BRAF: variants seen among roughly 807,000 people sequenced by gnomAD.
BRAF encodes serine/threonine-protein kinase B-raf.
In BRAF, 16 loss-of-function variants were observed where a neutral mutation model predicts 104.6. The observed-to-expected ratio is 0.15, with a 90% CI of 0.10 to 0.23. The LOEUF (loss-of-function observed/expected upper bound fraction) is 0.23, where lower values mean the gene tolerates loss of function less well. Among genes scored for constraint, BRAF ranks in the 10% least tolerant of loss-of-function variants. The pLI, the probability that BRAF is intolerant of heterozygous loss-of-function variation, is 1.00. For missense variants in BRAF, 541 were observed against 937.3 expected (o/e 0.58, Z 5.52); for synonymous variants, 310 against 341.6 (o/e 0.91, Z 1.02).
chr7:140,849,257 T>G (rs1474064269), intron 2 of BRAF, among the ~76,000 whole-genome samples: 2 of 152,170 alleles, frequency 1.3e-5, no homozygotes, highest in Non-Finnish European at 2.9e-5. Context: ...CATCTGTGAT[T>G]ATAACAGCAC....
At chr7:140,818,901 T>G (rs1327057608) in intron 3 of BRAF, among the ~76,000 whole-genome samples, 1 of 152,190 alleles carries the variant, frequency 6.6e-6, no homozygotes, top group Non-Finnish European at 1.5e-5. Flanking sequence ...TCTTACGTAG[T>G]CTACCTTACA....
Position 140,722,005 on chromosome 7 carries a change from C to T in BRAF, c.*4489G>A. The T allele has an allele frequency of 8.6e-7, 1 of 1,165,120 alleles. No homozygotes were observed. The highest frequency in any genetic ancestry group is 1.6e-5 in the African/African-American group (1 of 63,400). 72.2% of individuals were successfully genotyped at this position (1,165,120 alleles called of 1,614,324 possible). A position where few individuals can be genotyped will look rare whatever the true frequency, so the allele number is the denominator to read the frequency against. ...AATTCGGTCCTATATTTCAATTTCC[C>T]CTTCTAAGTTAATACATGATTGCTG... On this transcript the variant is annotated 3_prime_UTR_variant, in exon 20 of 20. Coordinates refer to ENST00000644969, the MANE Select transcript of BRAF (RefSeq NM_001374258.1).
chr7:140,789,256 C>T (rs1801704245), intron 8 of BRAF, among the ~76,000 whole-genome samples: 1 of 151,690 alleles, frequency 6.6e-6, no homozygotes, highest in African/African-American at 2.4e-5. Flanking sequence ...CTCTTTATAA[C>T]AACGATGGTA....
intron 3 of BRAF, among the ~76,000 whole-genome samples, chr7:140,831,550 A>G (rs1457297392): frequency 6.6e-6 from 1 of 152,154 alleles, no homozygotes; most frequent in Admixed American, 6.5e-5. Context: ...TTCCATATAT[A>G]CAGAAGAGGA....
intron 18 of BRAF, among the ~76,000 whole-genome samples, chr7:140,738,958 C>T (rs1796672410): frequency 7.0e-6 from 1 of 143,466 alleles, no homozygotes; most frequent in Non-Finnish European, 1.5e-5. Context: ...CTTTATCCTT[C>T]CAATATGGAA....
At chr7:140,757,190 A>G (rs1798271248) in intron 14 of BRAF, among the ~76,000 whole-genome samples, 2 of 152,220 alleles carry the variant, frequency 1.3e-5, no homozygotes, top group Admixed American at 1.3e-4. Context: ...GGGCACAAAA[A>G]GGATTATATT....
intron 2 of BRAF, among the ~76,000 whole-genome samples, chr7:140,837,175 C>CAA (rs1464817564): frequency 6.6e-6 from 1 of 152,196 alleles, no homozygotes; most frequent in Non-Finnish European, 1.5e-5. Context: ...ATATGAACTT[C>CAA]AATTACTCTT....
In BRAF at chr7:140,719,603, G is replaced by C; in HGVS notation, c.*6891C>G. 5 of 1,061,570 alleles carry C rather than the reference G, an allele frequency of 4.7e-6. 1 individual carries two copies. The South Asian group carries it at 1.4e-4, about 29-fold the overall frequency. The allele number at this position is 1,061,570 out of a possible 1,614,324, so 65.8% of individuals were successfully genotyped here. ...AAAGAGAACCAAAGTATCAGGAAGT[G>C]GGTATGGGGGAGAATTAAAAAAAAT... On this transcript the variant is annotated 3_prime_UTR_variant, in exon 20 of 20. Coordinates refer to ENST00000644969, the MANE Select transcript of BRAF (RefSeq NM_001374258.1).
chr7:140,772,152 T>C (rs1245139526), intron 14 of BRAF, among the ~76,000 whole-genome samples: 3 of 152,264 alleles, frequency 2.0e-5, no homozygotes, highest in South Asian at 2.1e-4. Flanking sequence ...TCAAAAGATA[T>C]GTTAAAATCT....
intron 1 of BRAF, among the ~76,000 whole-genome samples, chr7:140,874,256 C>T (rs1385464353): frequency 6.8e-6 from 1 of 146,432 alleles, no homozygotes; most frequent in East Asian, 2.0e-4. Flanking sequence ...GACTGGAGTG[C>T]AGTGGCGCGA....
At chr7:140,745,955 GAAT>G (rs933844456) in intron 17 of BRAF, among the ~76,000 whole-genome samples, 3 of 152,162 alleles carry the variant, frequency 2.0e-5, no homozygotes, top group African/African-American at 7.2e-5. Context: ...CTCATGTGGA[GAAT>G]AACTGAGCTT....
In BRAF at chr7:140,722,229, AT is replaced by A; in HGVS notation, c.*4264del. The stretch of plus-strand genomic sequence containing the variant: ...AGGGATTATGTGCTTTAAAAAAATA[AT>A]TTTGTTCACTGAAAATTTACCTGTG... On this transcript the variant is annotated 3_prime_UTR_variant, in exon 20 of 20. Transcript: ENST00000644969. The A allele has an allele frequency of 9.5e-7, 1 of 1,056,270 alleles. No individual in the cohort carries two copies. Among genetic ancestry groups the A allele is most frequent in the Non-Finnish European group, 1.1e-6 (1 of 873,598 alleles). 65.4% of individuals were successfully genotyped at this position (1,056,270 alleles called of 1,614,324 possible). A position where few individuals can be genotyped will look rare whatever the true frequency, so the allele number is the denominator to read the frequency against.
At chr7:140,917,124 G>A (rs1484658989) in intron 1 of BRAF, among the ~76,000 whole-genome samples, 2 of 152,192 alleles carry the variant, frequency 1.3e-5, no homozygotes, top group Admixed American at 6.5e-5. Flanking sequence ...GCAATGACGC[G>A]ATCTCGGCTC....
chr7:140,722,154 C>T lies in BRAF; in HGVS notation c.*4340G>A. On this transcript the variant is annotated 3_prime_UTR_variant, in exon 20 of 20. Coordinates refer to ENST00000644969, the MANE Select transcript of BRAF (RefSeq NM_001374258.1). ...AAGTTTCTCTAGAAATGTCACTGAA[C>T]TATATTTGCAACCTAGTTGCTCTAT... 1 of 1,065,050 alleles carries T rather than the reference C, an allele frequency of 9.4e-7. No homozygotes were observed. The highest frequency in any genetic ancestry group is 1.1e-6 in the Non-Finnish European group (1 of 879,354). 66.0% of individuals were successfully genotyped at this position (1,065,050 alleles called of 1,614,324 possible). A position where few individuals can be genotyped will look rare whatever the true frequency, so the allele number is the denominator to read the frequency against.
chr7:140,889,845 C>A (rs1814016722), intron 1 of BRAF, among the ~76,000 whole-genome samples: 3 of 152,140 alleles, frequency 2.0e-5, no homozygotes. Context: ...GTACATTATA[C>A]AATAGGAAGC....
At chr7:140,769,128 G>A (rs996877792) in intron 14 of BRAF, among the ~76,000 whole-genome samples, 2 of 150,522 alleles carry the variant, frequency 1.3e-5, no homozygotes, top group Non-Finnish European at 2.9e-5. Context: ...CTAGGCTGGA[G>A]TGCAGTGGTG....
intron 5 of BRAF, among the ~76,000 whole-genome samples, chr7:140,807,700 T>TA (rs1289646244): frequency 6.6e-6 from 1 of 152,180 alleles, no homozygotes; most frequent in Non-Finnish European, 1.5e-5. Context: ...TCACTTTTTT[T>TA]ACTTGACATA....
chr7:140,895,949 T>C (rs187250240), intron 1 of BRAF, among the ~76,000 whole-genome samples: 2 of 152,298 alleles, frequency 1.3e-5, no homozygotes, highest in African/African-American at 4.8e-5. Flanking sequence ...AGTAGTGGGA[T>C]TGCTAGATCA....
At chr7:140,770,904 G>C (rs1004308059) in intron 14 of BRAF, among the ~76,000 whole-genome samples, 75 of 145,066 alleles carry the variant, frequency 5.2e-4, no homozygotes, top group African/African-American at 1.9e-3. Context: ...CTGTACTCCA[G>C]CCTGGGTGAC....
Sources: gnomAD v4.1 joint callset for allele counts (sites outside exome capture counted in the v4.1 genomes callset) on GRCh38, gnomAD v4.1.1 for gene constraint, MANE v1.5 for transcripts, NCBI Gene and HGNC (gene_info 2026-07-23, HGNC 2026-07-21) for gene names.